Variants in GRID2 observed in about 807,000 individuals in gnomAD.
GRID2 encodes the protein glutamate ionotropic receptor delta type subunit 2, also known as glutamate receptor ionotropic, delta-2.
A neutral mutation model predicts 114.8 loss-of-function variants in GRID2; 33 were observed. The ratio of observed to expected loss-of-function variants is 0.29; its 90% CI spans 0.22 to 0.38. The LOEUF is 0.38. GRID2 is among the 10% of genes least tolerant of loss of function. The pLI, the probability that GRID2 is intolerant of heterozygous loss-of-function variation, is 1.00. For synonymous variants in GRID2, 505 were observed against 449.9 expected (o/e 1.12, Z -1.55); for missense variants, 1,184 against 1,257.7 (o/e 0.94, Z 0.89).
chr4:92,424,713 A>G (rs972693113), intron 1 of GRID2, among the ~76,000 whole-genome samples: 5 of 151,590 alleles, frequency 3.3e-5, no homozygotes, highest in African/African-American at 1.2e-4. Flanking sequence ...CTATAGGGTA[A>G]TAATAGGCTT....
intron 1 of GRID2, among the ~76,000 whole-genome samples, chr4:92,573,063 T>C (rs1231565609): frequency 1.3e-5 from 2 of 151,974 alleles, no homozygotes; most frequent in African/African-American, 4.8e-5. Flanking sequence ...GAGTGTACGT[T>C]TCCAGGAATT....
At chr4:93,261,201 A>C (rs1750218394) in intron 8 of GRID2, among the ~76,000 whole-genome samples, 1 of 151,932 alleles carries the variant, frequency 6.6e-6, no homozygotes, top group South Asian at 2.1e-4. Flanking sequence ...ATTATAATTG[A>C]GGGCTTTTCG....
intron 2 of GRID2, among the ~76,000 whole-genome samples, chr4:92,722,101 G>A (rs148731612): frequency 1.4e-3 from 217 of 152,274 alleles, no homozygotes; most frequent in African/African-American, 3.9e-3. Context: ...TCTGGACAGT[G>A]GACTGGCAAT....
intron 8 of GRID2, among the ~76,000 whole-genome samples, chr4:93,267,673 C>G (rs1369900391): frequency 6.6e-6 from 1 of 152,200 alleles, no homozygotes; most frequent in Non-Finnish European, 1.5e-5. Flanking sequence ...CCCTCTCAGT[C>G]CAGTCCCACA....
At chr4:92,797,630 G>T (rs946182145) in intron 2 of GRID2, among the ~76,000 whole-genome samples, 1 of 151,790 alleles carries the variant, frequency 6.6e-6, no homozygotes, top group African/African-American at 2.4e-5. Flanking sequence ...TTTTATGATA[G>T]TGAATGATGA....
intron 1 of GRID2, among the ~76,000 whole-genome samples, chr4:92,453,371 C>T (rs1321331106): frequency 6.6e-6 from 1 of 152,110 alleles, no homozygotes; most frequent in African/African-American, 2.4e-5. Context: ...ATGGACCTGT[C>T]TTGCTAATGC....
chr4:93,784,109 A>C (rs956580420), intron 1 of GRID2, among the ~76,000 whole-genome samples: 2 of 123,354 alleles, frequency 1.6e-5, no homozygotes, highest in African/African-American at 6.2e-5. Context: ...ACCAACCCTT[A>C]TTGAGTCCAC....
At chr4:92,618,576 T>A (rs931846424) in intron 2 of GRID2, among the ~76,000 whole-genome samples, 1 of 151,870 alleles carries the variant, frequency 6.6e-6, no homozygotes, top group East Asian at 1.9e-4. Context: ...ATTGAATCTA[T>A]AGGTTGCTTT....
At position 93,316,982 on chromosome 4, in the gene GRID2, T is replaced by C. The variant is rs1223083172; in HGVS notation, c.1245+78492T>C. 2.0e-5 allele frequency among the ~76,000 whole-genome samples: 3 copies of C among 152,156 alleles called. No homozygotes were observed. The East Asian group carries it at 5.8e-4, about 29-fold the overall frequency. On this transcript the variant is annotated intron_variant, in intron 8 of 15. Coordinates refer to ENST00000282020, the MANE Select transcript of GRID2 (RefSeq NM_001510.4). Reference sequence around the variant, plus strand: ...CCTTACTAAGAAACCAGACCATAACTAAGAAGGGATTTAGGTATGAGAAGT... The same window carrying C: ...CCTTACTAAGAAACCAGACCATAACCAAGAAGGGATTTAGGTATGAGAAGT...
In GRID2 at chr4:92,439,369, G is replaced by A. The variant is rs564515902; in HGVS notation, c.88+134625G>A. Among the ~76,000 whole-genome samples, 350 of 152,228 alleles carry A rather than the reference G, an allele frequency of 2.3e-3. 1 individual carries two copies. Among genetic ancestry groups the A allele is most frequent in the Non-Finnish European group, 4.1e-3 (280 of 68,024 alleles). On this transcript the variant is annotated intron_variant, in intron 1 of 15. Coordinates refer to ENST00000282020, the MANE Select transcript of GRID2 (RefSeq NM_001510.4). Reference sequence around the variant, plus strand: ...GGGCGTATATGTGCAAGTCACAGGGGTTGCAATGGCTTGGCTTGGGCTCAG... The same window carrying A: ...GGGCGTATATGTGCAAGTCACAGGGATTGCAATGGCTTGGCTTGGGCTCAG...
chr4:92,505,010 C>T (rs1039576802), intron 1 of GRID2, among the ~76,000 whole-genome samples: 9 of 151,716 alleles, frequency 5.9e-5, no homozygotes, highest in Admixed American at 2.0e-4. Flanking sequence ...TTAATTAAAC[C>T]GTCGAATCAT....
intron 4 of GRID2, among the ~76,000 whole-genome samples, chr4:93,178,495 A>G (rs2149432257): frequency 7.1e-6 from 1 of 141,456 alleles, no homozygotes; most frequent in South Asian, 2.2e-4. Context: ...TCCTGGGCTC[A>G]AGGGATCCTC....
chr4:93,105,052 T>C (rs1377332745), intron 3 of GRID2, among the ~76,000 whole-genome samples: 1 of 152,082 alleles, frequency 6.6e-6, no homozygotes, highest in Non-Finnish European at 1.5e-5. Context: ...ATTTCTCTGA[T>C]GGCCAGTGAT....
chr4:92,667,337 A>G (rs1418742675), intron 2 of GRID2, among the ~76,000 whole-genome samples: 2 of 151,702 alleles, frequency 1.3e-5, no homozygotes, highest in African/African-American at 4.8e-5. Flanking sequence ...TCCAAAGGAT[A>G]TAACACTGGG....
rs201999570 is a variant in GRID2, at chr4:93,627,371, G to GT, written c.2360+945dup. ...AAAAATCCAGGCATTTTGTGTGTAT[G>GT]TTTTTTTTTAAAAGAACTAAAAATC... On this transcript the variant is annotated intron_variant, in intron 14 of 15. Transcript: ENST00000282020. Among the ~76,000 whole-genome samples, 1,426 of 151,092 alleles carry GT rather than the reference G, an allele frequency of 9.4e-3. 27 individuals are homozygous for GT. Among genetic ancestry groups the GT allele is most frequent in the African/African-American group, 0.032 (1,330 of 40,960 alleles).
intron 8 of GRID2, among the ~76,000 whole-genome samples, chr4:93,364,644 T>C (rs1326280217): frequency 6.6e-6 from 1 of 151,978 alleles, no homozygotes; most frequent in Non-Finnish European, 1.5e-5. Context: ...ATTTGACTAA[T>C]TTTTATAAAT....
intron 9 of GRID2, among the ~76,000 whole-genome samples, chr4:93,419,554 A>G (rs933877339): frequency 1.3e-5 from 2 of 152,072 alleles, no homozygotes; most frequent in Non-Finnish European, 2.9e-5. Context: ...AGAGCTTAAA[A>G]CTAAAGCTTT....
At chr4:92,406,091 T>A (rs564747920) in intron 1 of GRID2, among the ~76,000 whole-genome samples, 1 of 152,246 alleles carries the variant, frequency 6.6e-6, no homozygotes, top group Non-Finnish European at 1.5e-5. Flanking sequence ...GTTTTGTATT[T>A]GTTGGTGGCT....
intron 14 of GRID2, among the ~76,000 whole-genome samples, chr4:93,685,672 A>G (rs530873715): frequency 6.6e-6 from 1 of 152,096 alleles, no homozygotes; most frequent in East Asian, 1.9e-4. Context: ...ATGGATTTAG[A>G]TTATCACCTA....
Sources: allele counts gnomAD v4.1 joint callset (sites outside exome capture counted in the v4.1 genomes callset), GRCh38; gene constraint gnomAD v4.1.1; transcripts MANE v1.5; gene names NCBI Gene and HGNC (gene_info 2026-07-23, HGNC 2026-07-21).